SLC71A2: variants seen among roughly 807,000 people sequenced by gnomAD.
SLC71A2 encodes the protein solute carrier family 71 member 2.
At chr9:94,402,010 C>T in the SLC71A2 span, among the ~76,000 whole-genome samples, 3 of 152,124 alleles carry the variant, frequency 2.0e-5, no homozygotes, top group Non-Finnish European at 2.9e-5. Flanking sequence ...TGTCATGGCA[C>T]TGGTGGGAGT....
At chr9:94,426,259 G>A in the SLC71A2 span, among the ~76,000 whole-genome samples, 1 of 152,038 alleles carries the variant, frequency 6.6e-6, no homozygotes, top group Non-Finnish European at 1.5e-5. Flanking sequence ...TCAGAGAACT[G>A]TGCTTGTGAT....
the SLC71A2 span, among the ~76,000 whole-genome samples, chr9:94,406,375 G>A: frequency 2.6e-5 from 4 of 152,228 alleles, no homozygotes; most frequent in African/African-American, 7.2e-5. Flanking sequence ...ATGTAGCTGG[G>A]ATTACAGGCA....
the SLC71A2 span, among the ~76,000 whole-genome samples, chr9:94,426,187 G>A: frequency 8.0e-5 from 12 of 150,512 alleles, no homozygotes; most frequent in African/African-American, 2.7e-4. Flanking sequence ...CTGGGGCACC[G>A]TCCTTTTTGA....
chr9:94,386,759 C>A, the SLC71A2 span, among the ~76,000 whole-genome samples: 1 of 152,140 alleles, frequency 6.6e-6, no homozygotes, highest in Non-Finnish European at 1.5e-5. Context: ...CACATCTTTT[C>A]TTTCCTGATT....
At chr9:94,422,008 G>C in the SLC71A2 span, among the ~76,000 whole-genome samples, 136 of 152,100 alleles carry the variant, frequency 8.9e-4, no homozygotes, top group Non-Finnish European at 1.2e-3. Context: ...CGCCTCCTGG[G>C]TTCAAGTGAT....
At chr9:94,408,858 C>CT in the SLC71A2 span, among the ~76,000 whole-genome samples, 1 of 143,576 alleles carries the variant, frequency 7.0e-6, no homozygotes, top group Non-Finnish European at 1.5e-5. Flanking sequence ...GAGTCTCGCT[C>CT]TGTCACCCAG....
chr9:94,386,368 G>A, the SLC71A2 span, among the ~76,000 whole-genome samples: 3 of 150,984 alleles, frequency 2.0e-5, no homozygotes, highest in African/African-American at 7.3e-5. Flanking sequence ...CACTACTCAG[G>A]CAAGGTTTTC....
the SLC71A2 span, among the ~76,000 whole-genome samples, chr9:94,402,927 C>A: frequency 6.6e-6 from 1 of 152,092 alleles, no homozygotes; most frequent in African/African-American, 2.4e-5. Flanking sequence ...AGTTCAATAG[C>A]ATTAAGTACA....
chr9:94,408,993 ATTTT>A, the SLC71A2 span, among the ~76,000 whole-genome samples: 2 of 150,654 alleles, frequency 1.3e-5, no homozygotes, highest in African/African-American at 4.9e-5. Flanking sequence ...CGCCTGGCTA[ATTTT>A]TTTTATTTTT....
the SLC71A2 span, among the ~76,000 whole-genome samples, chr9:94,393,680 A>C: frequency 1.4e-5 from 2 of 145,246 alleles, no homozygotes; most frequent in Non-Finnish European, 3.0e-5. Flanking sequence ...TTCCTATCTC[A>C]AAGGTTGTAG....
the SLC71A2 span, chr9:94,440,950 C>A: frequency 2.2e-6 from 3 of 1,356,508 alleles, no homozygotes; most frequent in South Asian, 1.2e-5. Flanking sequence ...CATACACTCC[C>A]TTTCCCTTGG....
At chr9:94,396,541 CAA>C in the SLC71A2 span, among the ~76,000 whole-genome samples, 1 of 152,010 alleles carries the variant, frequency 6.6e-6, no homozygotes, top group Non-Finnish European at 1.5e-5. Flanking sequence ...AAAATGAAAA[CAA>C]AGTGGGGTGG....
the SLC71A2 span, among the ~76,000 whole-genome samples, chr9:94,423,990 A>G: frequency 6.6e-6 from 1 of 152,214 alleles, no homozygotes; most frequent in African/African-American, 2.4e-5. Context: ...ATGTAGTCCT[A>G]TCATCCAGAA....
At chr9:94,422,985 A>T in the SLC71A2 span, among the ~76,000 whole-genome samples, 2 of 142,196 alleles carry the variant, frequency 1.4e-5, no homozygotes, top group African/African-American at 5.2e-5. Context: ...CCTAGGCTGG[A>T]GTGTGCAGTG....
the SLC71A2 span, chr9:94,446,927 TCTCAGGCAG>T: frequency 6.4e-7 from 1 of 1,566,446 alleles, no homozygotes; most frequent in East Asian, 2.2e-5. Context: ...TTTTTCTCTA[TCTCAGGCAG>T]GTGAGTAGTG....
chr9:94,404,382 G>A, the SLC71A2 span, among the ~76,000 whole-genome samples: 37 of 152,044 alleles, frequency 2.4e-4, no homozygotes, highest in Non-Finnish European at 3.8e-4. Flanking sequence ...TGCAAACTCC[G>A]CCTCCCGGAT....
chr9:94,415,142 T>C, the SLC71A2 span: 2 of 1,579,466 alleles, frequency 1.3e-6, no homozygotes, highest in East Asian at 2.2e-5. Context: ...ATTTTCATAA[T>C]AACTTTCTTT....
chr9:94,440,683 T>G, the SLC71A2 span, among the ~76,000 whole-genome samples: 2 of 152,132 alleles, frequency 1.3e-5, no homozygotes, highest in Non-Finnish European at 2.9e-5. Context: ...GAGAAGTTTT[T>G]TTTCTGTCTG....
chr9:94,454,717 T>C, the SLC71A2 span, among the ~76,000 whole-genome samples: 2 of 151,998 alleles, frequency 1.3e-5, no homozygotes, highest in Non-Finnish European at 1.5e-5. Flanking sequence ...AACAAGAAGA[T>C]ACAAAAAAAA....
Sources: gnomAD v4.1 joint callset for allele counts (sites outside exome capture counted in the v4.1 genomes callset) on GRCh38, gnomAD v4.1.1 for gene constraint, MANE v1.5 for transcripts, NCBI Gene and HGNC (gene_info 2026-07-23, HGNC 2026-07-21) for gene names.